DGKG: variants seen among roughly 807,000 people sequenced by gnomAD.
DGKG encodes the protein diacylglycerol kinase gamma, also known as DAG kinase gamma.
A neutral mutation model predicts 105.3 loss-of-function variants in DGKG; 78 were observed. The observed-to-expected ratio is 0.74, with a 90% CI of 0.62 to 0.89. The LOEUF is 0.89. Ranked by LOEUF, DGKG falls within the 40% of genes least tolerant of loss-of-function variation. The pLI is 0.00. For synonymous variants in DGKG, 346 were observed against 367.1 expected (o/e 0.94, Z 0.66); for missense variants, 958 against 1,020.1 (o/e 0.94, Z 0.83).
chr3:186,323,306 G>T, intron 1 of DGKG, among the ~76,000 whole-genome samples: 1 of 152,260 alleles, frequency 6.6e-6, no homozygotes, highest in East Asian at 1.9e-4. Flanking sequence ...CACTGTCACC[G>T]CTGCTGCTGC....
chr3:186,164,921 G>A lies in DGKG; in HGVS notation c.2193C>T (p.Ala731=), dbSNP rs763757904. The A allele has an allele frequency of 1.2e-6, 2 of 1,613,638 alleles. No homozygotes were observed. Among genetic ancestry groups the A allele is most frequent in the Non-Finnish European group, 1.7e-6 (2 of 1,179,850 alleles). ...TGLKSAGRRL[A]QCASVTIRTN... ...ACCTGATGGTGACAGAGGCGCACTG[G>A]GCCAGCCTCCTGCCTGCACTCTTCA... The change falls in exon 23 of 25, where the codon GCC becomes GCT. Residue 731 remains alanine, a synonymous_variant. Transcript: ENST00000265022.
intron 22 of DGKG, among the ~76,000 whole-genome samples, chr3:186,177,366 G>A (rs1228482696): frequency 3.3e-5 from 5 of 152,072 alleles, no homozygotes; most frequent in Admixed American, 3.3e-4. Flanking sequence ...ATCTTTTTGA[G>A]CTCCCAGGAC....
chr3:186,283,633 G>C (rs890541701), intron 7 of DGKG, among the ~76,000 whole-genome samples: 1 of 152,326 alleles, frequency 6.6e-6, no homozygotes, highest in African/African-American at 2.4e-5. Context: ...AAAGCTTCAT[G>C]AGGGCATGGA....
At chr3:186,274,581 T>TTC (rs1722489649) in intron 10 of DGKG, among the ~76,000 whole-genome samples, 1 of 125,676 alleles carries the variant, frequency 8.0e-6, no homozygotes, top group African/African-American at 3.0e-5. Flanking sequence ...TGTTCCCCAC[T>TTC]CTGTGTCCAA....
At chr3:186,242,990 T>A (rs571811612) in intron 19 of DGKG, among the ~76,000 whole-genome samples, 1 of 152,230 alleles carries the variant, frequency 6.6e-6, no homozygotes, top group African/African-American at 2.4e-5. Flanking sequence ...TAAAATAGTT[T>A]TTATTTTGGA....
At chr3:186,162,880 A>G (rs978263263) in intron 23 of DGKG, among the ~76,000 whole-genome samples, 4 of 151,674 alleles carry the variant, frequency 2.6e-5, no homozygotes, top group Non-Finnish European at 5.9e-5. Flanking sequence ...GAATAAGCAC[A>G]CTCTGGGGTT....
At chr3:186,283,530 C>A (rs1165354244) in intron 7 of DGKG, among the ~76,000 whole-genome samples, 1 of 152,166 alleles carries the variant, frequency 6.6e-6, no homozygotes, top group East Asian at 1.9e-4. Context: ...CTTCTTCCAA[C>A]ATTTCCTTTC....
chr3:186,295,382 G>A (rs1241629550), intron 5 of DGKG, among the ~76,000 whole-genome samples: 3 of 151,832 alleles, frequency 2.0e-5, no homozygotes, highest in African/African-American at 7.2e-5. Flanking sequence ...CGTGCCTGTA[G>A]TCCCAGCTAC....
intron 22 of DGKG, among the ~76,000 whole-genome samples, chr3:186,182,158 A>G (rs1393736137): frequency 1.3e-5 from 2 of 152,200 alleles, no homozygotes; most frequent in Non-Finnish European, 2.9e-5. Context: ...ATAGCCAAAC[A>G]TGTGTAGGCA....
intron 20 of DGKG, among the ~76,000 whole-genome samples, chr3:186,233,685 G>A (rs1368854516): frequency 6.6e-6 from 1 of 152,132 alleles, no homozygotes; most frequent in Admixed American, 6.6e-5. Context: ...GGGTTTCACC[G>A]TGTCAGCCAG....
At chr3:186,172,927 T>G (rs1578619431) in intron 22 of DGKG, among the ~76,000 whole-genome samples, 1 of 152,228 alleles carries the variant, frequency 6.6e-6, no homozygotes, top group Non-Finnish European at 1.5e-5. Context: ...AACAGAAATG[T>G]ATTTTCTCAC....
intron 17 of DGKG, among the ~76,000 whole-genome samples, chr3:186,255,852 A>C (rs1343894786): frequency 6.6e-6 from 1 of 152,132 alleles, no homozygotes; most frequent in African/African-American, 2.4e-5. Context: ...CTGAAATGAG[A>C]GTGAACGGAT....
intron 22 of DGKG, among the ~76,000 whole-genome samples, chr3:186,167,912 TA>T (rs1282772715): frequency 1.3e-5 from 2 of 152,142 alleles, no homozygotes; most frequent in Non-Finnish European, 2.9e-5. Context: ...GAAACCAAGT[TA>T]GGTGTAGAAA....
At chr3:186,316,925 G>A (rs1235309291) in intron 2 of DGKG, among the ~76,000 whole-genome samples, 1 of 152,200 alleles carries the variant, frequency 6.6e-6, no homozygotes, top group Non-Finnish European at 1.5e-5. Context: ...CTTTTTCAGG[G>A]TTTCCTCTGA....
chr3:186,310,343 G>A (rs532676156), intron 2 of DGKG, among the ~76,000 whole-genome samples: 117 of 148,962 alleles, frequency 7.9e-4, no homozygotes, highest in Admixed American at 8.8e-4. Context: ...TCCGTGAGGT[G>A]GATTACTCAT....
intron 19 of DGKG, among the ~76,000 whole-genome samples, chr3:186,246,823 C>A (rs916051534): frequency 6.6e-6 from 1 of 152,130 alleles, no homozygotes; most frequent in East Asian, 1.9e-4. Flanking sequence ...GAAAACGGTG[C>A]GTGGGTCAGT....
At chr3:186,233,584 A>G (rs2108542799) in intron 20 of DGKG, among the ~76,000 whole-genome samples, 1 of 152,228 alleles carries the variant, frequency 6.6e-6, no homozygotes, top group Admixed American at 6.5e-5. Context: ...GGTTCACGCC[A>G]TTCTCCTGCC....
chr3:186,194,803 T>TAAAAAAAAAAAAAAAAA lies in DGKG; in HGVS notation c.1918-6441_1918-6425dup, dbSNP rs57878064. Among the ~76,000 whole-genome samples, 266 of 105,338 alleles carry TAAAAAAAAAAAAAAAAA rather than the reference T, an allele frequency of 2.5e-3. 12 individuals are homozygous for TAAAAAAAAAAAAAAAAA. The highest frequency in any genetic ancestry group is 9.2e-3 in the African/African-American group (256 of 27,868). 69.1% of individuals were successfully genotyped at this position (105,338 alleles called of 152,430 possible). A position where few individuals can be genotyped will look rare whatever the true frequency, so the allele number is the denominator to read the frequency against. Reference sequence around the variant, plus strand: ...CCACGACTCTTTCTTGGTCTTTCTTTAAAAAAAAAAAAAAAAAAAGCCGGG... The same window carrying TAAAAAAAAAAAAAAAAA: ...CCACGACTCTTTCTTGGTCTTTCTTTAAAAAAAAAAAAAAAAAAAAAAAAAAAAAAAAAAAAGCCGGG... On this transcript the variant is annotated intron_variant, in intron 21 of 24. Coordinates refer to ENST00000265022, the MANE Select transcript of DGKG (RefSeq NM_001346.3).
At chr3:186,283,671 C>G (rs1722930874) in intron 7 of DGKG, among the ~76,000 whole-genome samples, 1 of 152,194 alleles carries the variant, frequency 6.6e-6, no homozygotes, top group South Asian at 2.1e-4. Context: ...CACTGCCATA[C>G]CCTCAGTGCT....
Sources: allele counts gnomAD v4.1 joint callset (sites outside exome capture counted in the v4.1 genomes callset), GRCh38; gene constraint gnomAD v4.1.1; transcripts MANE v1.5; gene names NCBI Gene and HGNC (gene_info 2026-07-23, HGNC 2026-07-21).